Variants in PPP6R3 observed in about 807,000 individuals in gnomAD.
The protein encoded by PPP6R3 is protein phosphatase 6 regulatory subunit 3.
A neutral mutation model predicts 110.7 loss-of-function variants in PPP6R3; 38 were observed. That is an observed-to-expected ratio of 0.34 (90% CI 0.26 to 0.45). PPP6R3 has a LOEUF of 0.45. Ranked by LOEUF, PPP6R3 falls within the 20% of genes least tolerant of loss-of-function variation. The pLI, the probability that PPP6R3 is intolerant of heterozygous loss-of-function variation, is 1.00. For synonymous variants in PPP6R3, 369 were observed against 373.5 expected, an observed-to-expected ratio of 0.99 and a Z score of 0.14; for missense variants, 870 against 1,062.4, an observed-to-expected ratio of 0.82 and a Z score of 2.52.
At chr11:68,542,124 C>T (rs77608548) in intron 3 of PPP6R3, among the ~76,000 whole-genome samples, 4,175 of 123,348 alleles carry the variant, frequency 0.034, 235 homozygotes, top group African/African-American at 0.12. Flanking sequence ...AGCAGGCCGC[C>T]GAGTGATGCA....
chr11:68,606,249 C>T (rs902331239), intron 22 of PPP6R3, among the ~76,000 whole-genome samples: 4 of 152,056 alleles, frequency 2.6e-5, no homozygotes, highest in Non-Finnish European at 5.9e-5. Context: ...TCTGAGAAAA[C>T]CAGTAACAGA....
chr11:68,566,389 TCTCA>T (rs994056444), intron 9 of PPP6R3, among the ~76,000 whole-genome samples: 44 of 152,074 alleles, frequency 2.9e-4, no homozygotes, highest in African/African-American at 1.1e-3. Flanking sequence ...TGAGACAGTG[TCTCA>T]CTCTTGCTCA....
intron 1 of PPP6R3, among the ~76,000 whole-genome samples, chr11:68,518,732 A>ATC (rs1219126314): frequency 6.6e-6 from 1 of 152,288 alleles, no homozygotes; most frequent in East Asian, 1.9e-4. Context: ...ATTATTTATT[A>ATC]TCTTACTTGA....
Position 68,569,914 on chromosome 11 carries a change from T to G in PPP6R3, c.1278+17T>G, listed in dbSNP as rs2099495987. The G allele has an allele frequency of 1.3e-6, 2 of 1,593,964 alleles. No individual in the cohort carries two copies. The highest frequency in any genetic ancestry group is 1.1e-5 in the South Asian group (1 of 88,938). On this transcript the variant is annotated intron_variant, in intron 11 of 23. Transcript: ENST00000393800. Reference sequence around the variant, plus strand: ...TTAAAACATGTAAGCTTATTTGGTCTCGTTTTTCTCCCACTCTCTCCTGGT... The same window carrying G: ...TTAAAACATGTAAGCTTATTTGGTCGCGTTTTTCTCCCACTCTCTCCTGGT...
chr11:68,537,965 G>C, intron 3 of PPP6R3, 74 bp downstream of exon 3: 2 of 1,127,986 alleles, frequency 1.8e-6, no homozygotes, highest in Non-Finnish European at 2.5e-6. Flanking sequence ...TCTTGTTCAA[G>C]GATTCTCCAG....
At chr11:68,473,840 TGTGA>T (rs1043547957) in intron 1 of PPP6R3, among the ~76,000 whole-genome samples, 2 of 150,706 alleles carry the variant, frequency 1.3e-5, no homozygotes, top group African/African-American at 5.0e-5. Context: ...TTTTGGCTGT[TGTGA>T]GTAATACTTC....
rs1046623582 is a variant in PPP6R3 at position 68,614,245 on chromosome 11, A to G, written c.*1128A>G. The G allele has an allele frequency of 5.9e-6, 6 of 1,011,534 alleles. No homozygotes were observed. The highest frequency in any genetic ancestry group is 5.9e-6 in the Non-Finnish European group (5 of 846,244). 62.7% of individuals were successfully genotyped at this position (1,011,534 alleles called of 1,614,324 possible). A position where few individuals can be genotyped will look rare whatever the true frequency, so the allele number is the denominator to read the frequency against. The stretch of plus-strand genomic sequence containing the variant: ...GTATTTTTTTAGAACTGGTTTGTGT[A>G]TATATATAGTGATTATGGATACTAA... On this transcript the variant is annotated 3_prime_UTR_variant, in exon 24 of 24. Coordinates refer to ENST00000393800, the MANE Select transcript of PPP6R3 (RefSeq NM_001164161.2).
intron 1 of PPP6R3, among the ~76,000 whole-genome samples, chr11:68,488,351 T>G (rs2098961771): frequency 6.6e-6 from 1 of 152,154 alleles, no homozygotes; most frequent in Non-Finnish European, 1.5e-5. Context: ...AAAATTTCTT[T>G]TTTGTAGAGA....
chr11:68,464,611 A>T (rs571284625), intron 1 of PPP6R3, among the ~76,000 whole-genome samples: 1 of 152,294 alleles, frequency 6.6e-6, no homozygotes, highest in East Asian at 1.9e-4. Flanking sequence ...AGTGGGGATT[A>T]TTTAGATGGT....
intron 1 of PPP6R3, among the ~76,000 whole-genome samples, chr11:68,484,180 C>T (rs542649381): frequency 2.0e-5 from 3 of 152,252 alleles, no homozygotes; most frequent in South Asian, 2.1e-4. Flanking sequence ...TGTAAATATC[C>T]GTGTGCAGGT....
chr11:68,534,472 T>C (rs1480023475), intron 2 of PPP6R3, among the ~76,000 whole-genome samples: 1 of 152,200 alleles, frequency 6.6e-6, no homozygotes, highest in Non-Finnish European at 1.5e-5. Context: ...TAATTACCAC[T>C]CTTCTTTAGA....
At chr11:68,571,146 T>G in intron 12 of PPP6R3, 42 bp downstream of exon 12, 2 of 1,575,794 alleles carry the variant, frequency 1.3e-6, no homozygotes, top group Non-Finnish European at 1.7e-6. Flanking sequence ...GTTTGGTTGG[T>G]AATATGAGGA....
At chr11:68,606,058 C>G (rs1462462700) in intron 22 of PPP6R3, among the ~76,000 whole-genome samples, 1 of 152,168 alleles carries the variant, frequency 6.6e-6, no homozygotes, top group Non-Finnish European at 1.5e-5. Flanking sequence ...AAGGTATTTG[C>G]TGACTGGATC....
chr11:68,577,250 G>T (rs1244782325), intron 14 of PPP6R3, among the ~76,000 whole-genome samples: 1 of 152,174 alleles, frequency 6.6e-6, no homozygotes, highest in Non-Finnish European at 1.5e-5. Flanking sequence ...TTTACCCATT[G>T]TAGATAGATA....
At chr11:68,475,989 G>C (rs555730253) in intron 1 of PPP6R3, among the ~76,000 whole-genome samples, 1 of 151,562 alleles carries the variant, frequency 6.6e-6, no homozygotes, top group Non-Finnish European at 1.5e-5. Context: ...CTGGGCAGCC[G>C]GGCAGAGGGG....
chr11:68,590,703 A>G lies in PPP6R3; in HGVS notation c.1774A>G (p.Thr592Ala). The G allele has an allele frequency of 6.3e-7, 1 of 1,593,564 alleles. No individual in the cohort carries two copies. The highest frequency in any genetic ancestry group is 1.1e-5 in the South Asian group (1 of 88,548). The change falls in exon 17 of 24, where the codon ACA becomes GCA. Residue 592 changes from threonine (T) to alanine (A), a missense_variant. Coordinates refer to ENST00000393800, the MANE Select transcript of PPP6R3 (RefSeq NM_001164161.2). ...ATCAGACATCAACTTTACTCTCAAT[A>G]CAAATGAAAGTGTAAGTATAAACTC... Reference protein sequence around the residue: ...RVSDINFTLNTNESGNIALFE... With the variant: ...RVSDINFTLNANESGNIALFE...
chr11:68,594,343 A>AGAGAGAGAGAGAGAGAGAGT (rs1252828026), intron 18 of PPP6R3, among the ~76,000 whole-genome samples: 1 of 148,312 alleles, frequency 6.7e-6, no homozygotes, highest in African/African-American at 2.5e-5. Context: ...AGTGAGAGAG[A>AGAGAGAGAGAGAGAGAGAGT]GAGTGAGAGA....
intron 15 of PPP6R3, among the ~76,000 whole-genome samples, chr11:68,584,537 A>G (rs569052936): frequency 6.6e-6 from 1 of 152,360 alleles, no homozygotes; most frequent in Admixed American, 6.5e-5. Context: ...ACACCTTACT[A>G]GTAATAATGA....
At chr11:68,573,156 T>TAAAA (rs1565936514) in intron 12 of PPP6R3, among the ~76,000 whole-genome samples, 1 of 49,544 alleles carries the variant, frequency 2.0e-5, no homozygotes, top group African/African-American at 8.4e-5. Flanking sequence ...ATATATATAA[T>TAAAA]TTTTTTTTTT....
Sources: gnomAD v4.1 joint callset for allele counts (sites outside exome capture counted in the v4.1 genomes callset) on GRCh38, gnomAD v4.1.1 for gene constraint, MANE v1.5 for transcripts, NCBI Gene and HGNC (gene_info 2026-07-23, HGNC 2026-07-21) for gene names.